Variants in DIAPH3 observed in about 807,000 individuals in gnomAD.
DIAPH3 encodes protein diaphanous homolog 3.
DIAPH3 carries 117 observed loss-of-function variants against 144.3 expected under a neutral mutation model. That is an observed-to-expected ratio of 0.81 (90% CI 0.70 to 0.95). The LOEUF is 0.95. Ranked by LOEUF, DIAPH3 falls within the 40% of genes least tolerant of loss-of-function variation. The probability of loss-of-function intolerance (pLI) is 0.00; values close to 1 mark genes in which losing one functional copy is unlikely to be tolerated. For synonymous variants in DIAPH3, 519 were observed against 488.9 expected (o/e 1.06, Z -0.81); for missense variants, 1,421 against 1,412.7 (o/e 1.01, Z -0.09).
In DIAPH3 at chr13:60,151,537, A is replaced by G. The variant is rs140366449; in HGVS notation, c.180+12050T>C. ...AAAAAGAAATGAGTAATTATTAATA[A>G]CATTTAAACAAATTCATCATGAATG... is the stretch of plus-strand genomic sequence containing the variant. On this transcript the variant is annotated intron_variant, in intron 1 of 27. Coordinates refer to ENST00000400324, the MANE Select transcript of DIAPH3 (RefSeq NM_001042517.2). 9.3e-4 allele frequency among the ~76,000 whole-genome samples: 142 copies of G among 152,332 alleles called. 2 individuals are homozygous for G. Among genetic ancestry groups the G allele is most frequent in the African/African-American group, 3.3e-3 (138 of 41,572 alleles).
intron 27 of DIAPH3, among the ~76,000 whole-genome samples, chr13:59,669,945 G>C (rs1265562420): frequency 6.6e-6 from 1 of 152,106 alleles, no homozygotes. Flanking sequence ...CAAAAACAAG[G>C]ATTGCATATC....
At chr13:60,111,320 T>C (rs947175234) in intron 3 of DIAPH3, among the ~76,000 whole-genome samples, 5 of 152,206 alleles carry the variant, frequency 3.3e-5, no homozygotes, top group Admixed American at 2.0e-4. Context: ...AGAACCTGTT[T>C]ATCCTAAAAA....
chr13:59,843,957 G>A (rs897279576), intron 22 of DIAPH3, among the ~76,000 whole-genome samples: 2 of 152,066 alleles, frequency 1.3e-5, no homozygotes, highest in South Asian at 2.1e-4. Context: ...TATGAGTGGC[G>A]GGCAGGAGGA....
rs1460232676 is a variant in DIAPH3, at chr13:59,697,699, A to G, written c.3320-30853T>C. On this transcript the variant is annotated intron_variant, in intron 27 of 27. Coordinates refer to ENST00000400324, the MANE Select transcript of DIAPH3 (RefSeq NM_001042517.2). ...ATCATTCTTCCCTGTGAGGCCCACCATTGGAACAGCCTGGAATCTGAGGAT... is the reference window on the plus strand; with the variant it reads ...ATCATTCTTCCCTGTGAGGCCCACCGTTGGAACAGCCTGGAATCTGAGGAT... Among the ~76,000 whole-genome samples, 3 of 152,134 alleles carry G rather than the reference A, an allele frequency of 2.0e-5. No homozygotes were observed. The East Asian group carries it at 5.8e-4, about 29-fold the overall frequency.
intron 27 of DIAPH3, among the ~76,000 whole-genome samples, chr13:59,671,027 T>C (rs189209946): frequency 4.6e-5 from 7 of 152,292 alleles, no homozygotes; most frequent in African/African-American, 1.7e-4. Context: ...ATAGAAATCT[T>C]ATTATAATGT....
intron 1 of DIAPH3, among the ~76,000 whole-genome samples, chr13:60,136,067 T>C (rs1429973347): frequency 6.6e-6 from 1 of 152,126 alleles, no homozygotes; most frequent in Non-Finnish European, 1.5e-5. Context: ...ATCCATGAAG[T>C]AGAAATTGCC....
At chr13:59,945,918 T>C (rs2048771331) in intron 17 of DIAPH3, among the ~76,000 whole-genome samples, 1 of 152,176 alleles carries the variant, frequency 6.6e-6, no homozygotes, top group African/African-American at 2.4e-5. Flanking sequence ...GCTTCACATA[T>C]TAAAAATATG....
At chr13:60,073,809 T>G (rs916170211) in intron 4 of DIAPH3, among the ~76,000 whole-genome samples, 4 of 152,342 alleles carry the variant, frequency 2.6e-5, no homozygotes, top group Middle Eastern at 3.4e-3. Context: ...TAAAATGAAT[T>G]TTTGTGCTAT....
intron 18 of DIAPH3, among the ~76,000 whole-genome samples, chr13:59,924,503 AG>A (rs1000542581): frequency 6.9e-6 from 1 of 145,834 alleles, no homozygotes; most frequent in Non-Finnish European, 1.5e-5. Flanking sequence ...CTTTAAAAAA[AG>A]GGACTTTAAA....
chr13:60,122,777 T>C (rs78981464), intron 2 of DIAPH3, among the ~76,000 whole-genome samples: 233 of 152,224 alleles, frequency 1.5e-3, no homozygotes, highest in African/African-American at 5.0e-3. Context: ...GGATAACTTA[T>C]GTTATTTAAT....
intron 9 of DIAPH3, among the ~76,000 whole-genome samples, chr13:59,995,868 G>A (rs2052157228): frequency 6.6e-6 from 1 of 152,012 alleles, no homozygotes; most frequent in East Asian, 1.9e-4. Flanking sequence ...CAAGACCTCA[G>A]ATGGAATCAC....
At chr13:59,707,528 A>G (rs2034496695) in intron 27 of DIAPH3, among the ~76,000 whole-genome samples, 1 of 152,204 alleles carries the variant, frequency 6.6e-6, no homozygotes, top group Non-Finnish European at 1.5e-5. Context: ...GGATTGAAGT[A>G]GAAAATCTGG....
chr13:60,042,293 A>G (rs1411125603), intron 5 of DIAPH3, among the ~76,000 whole-genome samples: 2 of 152,174 alleles, frequency 1.3e-5, no homozygotes, highest in Admixed American at 6.5e-5. Context: ...CCCTACAACG[A>G]CATCATTTCC....
chr13:59,988,784 C>T (rs1183160293), intron 12 of DIAPH3, among the ~76,000 whole-genome samples: 1 of 151,840 alleles, frequency 6.6e-6, no homozygotes, highest in East Asian at 1.9e-4. Context: ...ATCTCCCATG[C>T]GCATTTAACT....
intron 21 of DIAPH3, 24 bp downstream of exon 21, chr13:59,879,205 G>A: frequency 6.2e-7 from 1 of 1,613,362 alleles, no homozygotes. Context: ...AGGCAAATAT[G>A]TGTTTTTAAA....
At chr13:60,093,487 T>A in intron 4 of DIAPH3, 141 bp downstream of exon 4, 1 of 630,838 alleles carries the variant, frequency 1.6e-6, no homozygotes. Flanking sequence ...AAATGTATAA[T>A]ATACTTGTGC....
At chr13:60,015,837 C>A (rs2053604339) in intron 7 of DIAPH3, 76 bp downstream of exon 7, 1 of 1,261,950 alleles carries the variant, frequency 7.9e-7, no homozygotes, top group Non-Finnish European at 1.1e-6. Flanking sequence ...GAACAATTTA[C>A]CATCACTTTA....
intron 24 of DIAPH3, among the ~76,000 whole-genome samples, chr13:59,823,032 T>A (rs1289344497): frequency 6.6e-6 from 1 of 152,206 alleles, no homozygotes; most frequent in African/African-American, 2.4e-5. Flanking sequence ...TTATTCTCAC[T>A]ACCGTATTAG....
At chr13:59,701,764 A>C (rs1472523532) in intron 27 of DIAPH3, among the ~76,000 whole-genome samples, 3 of 152,222 alleles carry the variant, frequency 2.0e-5, no homozygotes, top group Non-Finnish European at 2.9e-5. Flanking sequence ...ACACACATAC[A>C]TAAACATACT....
Sources: gnomAD v4.1 joint callset for allele counts (sites outside exome capture counted in the v4.1 genomes callset) on GRCh38, gnomAD v4.1.1 for gene constraint, MANE v1.5 for transcripts, NCBI Gene and HGNC (gene_info 2026-07-23, HGNC 2026-07-21) for gene names.